Variants in SYNPO2 observed in about 807,000 individuals in gnomAD.
SYNPO2 encodes synaptopodin 2.
SYNPO2 carries 56 observed loss-of-function variants against 85.0 expected under a neutral mutation model. The ratio of observed to expected loss-of-function variants is 0.66; its 90% CI spans 0.53 to 0.82. SYNPO2 has a LOEUF of 0.82. Ranked by LOEUF, SYNPO2 falls within the 40% of genes least tolerant of loss-of-function variation. The probability of loss-of-function intolerance (pLI) is 0.00; values close to 1 mark genes in which losing one functional copy is unlikely to be tolerated. For missense variants in SYNPO2, 1,575 were observed against 1,534.2 expected, an observed-to-expected ratio of 1.03 and a Z score of -0.44; for synonymous variants, 602 against 591.1, an observed-to-expected ratio of 1.02 and a Z score of -0.27.
chr4:118,906,966 C>G (rs1000406632), intron 1 of SYNPO2, among the ~76,000 whole-genome samples: 2 of 151,916 alleles, frequency 1.3e-5, no homozygotes, highest in Admixed American at 6.6e-5. Context: ...TGCCACCACA[C>G]CCAGCTAATT....
intron 1 of SYNPO2, among the ~76,000 whole-genome samples, chr4:118,976,574 G>A (rs1007177739): frequency 6.6e-6 from 1 of 152,138 alleles, no homozygotes; most frequent in African/African-American, 2.4e-5. Flanking sequence ...TTGTCAGGGC[G>A]CTGATTGGTG....
intron 1 of SYNPO2, among the ~76,000 whole-genome samples, chr4:118,963,114 A>G (rs1735171482): frequency 1.3e-5 from 2 of 152,210 alleles, no homozygotes; most frequent in African/African-American, 4.8e-5. Context: ...TAATTCCAAG[A>G]AAAAGGCACT....
upstream of SYNPO2, among the ~76,000 whole-genome samples, chr4:118,887,221 G>A (rs1336692537): frequency 6.6e-6 from 1 of 150,408 alleles, no homozygotes; most frequent in Non-Finnish European, 1.5e-5. Flanking sequence ...TGATGGGATG[G>A]TCAGGGCTGT....
At chr4:119,021,978 C>A (rs1483882016) in intron 1 of SYNPO2, among the ~76,000 whole-genome samples, 1 of 152,218 alleles carries the variant, frequency 6.6e-6, no homozygotes, top group Non-Finnish European at 1.5e-5. Context: ...GATTATGACA[C>A]AGTGCTTATG....
chr4:119,025,806 GTTAT>G (rs1560993570), intron 2 of SYNPO2, among the ~76,000 whole-genome samples: 1 of 152,182 alleles, frequency 6.6e-6, no homozygotes, highest in Non-Finnish European at 1.5e-5. Context: ...TCAGAAAGAA[GTTAT>G]TTAACTCTTA....
At chr4:118,980,522 A>G (rs1282560100) in intron 1 of SYNPO2, among the ~76,000 whole-genome samples, 3 of 152,080 alleles carry the variant, frequency 2.0e-5, no homozygotes, top group Non-Finnish European at 4.4e-5. Context: ...TCCCCAGCAC[A>G]CACCCACACA....
chr4:118,954,126 A>G (rs1734790812), intron 1 of SYNPO2, among the ~76,000 whole-genome samples: 1 of 152,194 alleles, frequency 6.6e-6, no homozygotes, highest in African/African-American at 2.4e-5. Flanking sequence ...TTCATGATAC[A>G]GTACAGTTAT....
Position 118,883,051 on chromosome 4 carries a change from G to C in SYNPO2, c.12+32111G>C, listed in dbSNP as rs375881207. ...GCTGGGATCACAGGCATGAGCCACC[G>C]CGCCCCGCCTGTTTTTTTTTTTTTT... On this transcript the variant is annotated intron_variant, in intron 1 of 4. Transcript: ENST00000610556. Among the ~76,000 whole-genome samples the C allele has an allele frequency of 5.2e-3, 772 of 149,814 alleles. 8 individuals carry two copies. Among genetic ancestry groups the C allele is most frequent in the African/African-American group, 0.018 (748 of 40,962 alleles).
intron 1 of SYNPO2, among the ~76,000 whole-genome samples, chr4:118,882,077 A>G (rs1732114644): frequency 6.6e-6 from 1 of 152,246 alleles, no homozygotes; most frequent in Admixed American, 6.5e-5. Context: ...GTTAACAATA[A>G]GCATTTTAAA....
chr4:118,934,689 A>T (rs1734042669), intron 1 of SYNPO2, among the ~76,000 whole-genome samples: 1 of 152,226 alleles, frequency 6.6e-6, no homozygotes, highest in Admixed American at 6.5e-5. Context: ...ATGGAATCTT[A>T]GAAATAGAAT....
chr4:118,859,757 A>T (rs539318015), intron 1 of SYNPO2, among the ~76,000 whole-genome samples: 1 of 152,192 alleles, frequency 6.6e-6, no homozygotes, highest in South Asian at 2.1e-4. Flanking sequence ...ATTCTTTTCT[A>T]CGGCTGAATA....
chr4:118,991,799 G>C (rs1736426975), intron 1 of SYNPO2, among the ~76,000 whole-genome samples: 1 of 152,174 alleles, frequency 6.6e-6, no homozygotes, highest in Non-Finnish European at 1.5e-5. Context: ...CAATGGGTAA[G>C]AAACAGCAGG....
rs1037145428 is a variant in SYNPO2 at position 119,057,408 on chromosome 4, G to A, written c.3260G>A (p.Gly1087Glu). The A allele has an allele frequency of 1.9e-6, 3 of 1,581,432 alleles. No individual in the cohort carries two copies. Among genetic ancestry groups the A allele is most frequent in the African/African-American group, 1.4e-5 (1 of 72,974 alleles). ...KKSGVTIQES[G>E]RSLSLPGRSV... ...TATTTTCATTGTTTTTAGGAGAGTG[G>A]GCGCTCCCTTTCTCTTCCTGGAAGA... The change falls in exon 5 of 5, where the codon GGG (glycine) becomes GAG (glutamate). Residue 1087 changes from glycine to glutamate, a missense_variant. By Grantham distance (98) the Gly-to-Glu change is moderately conservative. Coordinates refer to ENST00000307142, the MANE Select transcript of SYNPO2 (RefSeq NM_133477.3).
At chr4:118,901,910 A>G (rs1732769407) in intron 1 of SYNPO2, among the ~76,000 whole-genome samples, 1 of 152,200 alleles carries the variant, frequency 6.6e-6, no homozygotes, top group Admixed American at 6.5e-5. Context: ...TTCATTTTGT[A>G]GATGAAAATA....
Position 118,932,677 on chromosome 4 carries a change from A to G in SYNPO2, c.105+43536A>G, listed in dbSNP as rs868689215. Among the ~76,000 whole-genome samples, 4 of 152,242 alleles carry G rather than the reference A, an allele frequency of 2.6e-5. 1 individual carries two copies. The highest frequency in any genetic ancestry group is 5.9e-5 in the Non-Finnish European group (4 of 68,036). On this transcript the variant is annotated intron_variant, in intron 1 of 4. Coordinates refer to ENST00000307142, the MANE Select transcript of SYNPO2 (RefSeq NM_133477.3). ...CTCTACGTCAATATTAAGTTGAAAC[A>G]TAAGAACACCTGTGTAAGAATTTGT...
Position 118,853,897 on chromosome 4 carries a change from T to C in SYNPO2, c.12+2957T>C, listed in dbSNP as rs570521011. Among the ~76,000 whole-genome samples, 3 of 152,342 alleles carry C rather than the reference T, an allele frequency of 2.0e-5. No individual in the cohort carries two copies. The South Asian group carries it at 6.2e-4, about 32-fold the overall frequency. On this transcript the variant is annotated intron_variant, in intron 1 of 4. Transcript: ENST00000610556. ...TGTGCAGGAAAGAGGCTGGATACCA[T>C]ACTTTGTACAGAGAGTGGTCTGACG...
At position 119,031,909 on chromosome 4, in the gene SYNPO2, G is replaced by A. The variant is rs1738289923; in HGVS notation, c.3134G>A (p.Ser1045Asn). Reference sequence around the variant, plus strand: ...TTTGCAGAGGCCTCCTCACCAGTCAGTGCATCCCCAGTGCCTGTGGGCATT... The same window carrying A: ...TTTGCAGAGGCCTCCTCACCAGTCAATGCATCCCCAGTGCCTGTGGGCATT... ...SFFAEASSPV[S>N]ASPVPVGIPT... The change falls in exon 4 of 5, where the codon AGT becomes AAT. Residue 1045 changes from serine (S) to asparagine (N), a missense_variant. Around this residue, in one of 3 missense-constraint regions of SYNPO2, gnomAD observed 1,508 missense variants for 1,446.8 expected, o/e 1.04. Transcript: ENST00000307142. The A allele has an allele frequency of 7.4e-6, 12 of 1,614,192 alleles. No homozygotes were observed. Among genetic ancestry groups the A allele is most frequent in the African/African-American group, 1.3e-5 (1 of 75,072 alleles).
intron 1 of SYNPO2, among the ~76,000 whole-genome samples, chr4:119,017,593 C>A (rs1032346341): frequency 6.6e-6 from 1 of 152,022 alleles, no homozygotes; most frequent in African/African-American, 2.4e-5. Flanking sequence ...AGATCACAAT[C>A]ATCTCTCTCA....
chr4:119,008,266 G>A (rs1271321038), intron 1 of SYNPO2, among the ~76,000 whole-genome samples: 1 of 152,126 alleles, frequency 6.6e-6, no homozygotes, highest in African/African-American at 2.4e-5. Flanking sequence ...AGTCTTTTAA[G>A]ATGGGAGTCC....
Sources: gnomAD v4.1 joint callset for allele counts (sites outside exome capture counted in the v4.1 genomes callset) on GRCh38, gnomAD v4.1.1 for gene constraint, gnomAD v4.1.1 regional missense constraint, MANE v1.5 for transcripts, NCBI Gene and HGNC (gene_info 2026-07-23, HGNC 2026-07-21) for gene names.